Variants in CDK5RAP2 observed in about 807,000 individuals in gnomAD.
CDK5RAP2 encodes CDK5 regulatory subunit-associated protein 2.
A neutral mutation model predicts 232.9 loss-of-function variants in CDK5RAP2; 147 were observed. The observed-to-expected ratio is 0.63, with a 90% CI of 0.55 to 0.72. The LOEUF (loss-of-function observed/expected upper bound fraction) is 0.72, where lower values mean the gene tolerates loss of function less well. Ranked by LOEUF, CDK5RAP2 falls within the 30% of genes least tolerant of loss-of-function variation. The probability of loss-of-function intolerance (pLI) is 0.00; values close to 1 mark genes in which losing one functional copy is unlikely to be tolerated. For synonymous variants in CDK5RAP2, 833 were observed against 833.7 expected (o/e 1.00, Z 0.01); for missense variants, 2,195 against 2,231.5 (o/e 0.98, Z 0.33).
At chr9:120,514,538 C>T (rs552460404) in intron 12 of CDK5RAP2, among the ~76,000 whole-genome samples, 2 of 152,220 alleles carry the variant, frequency 1.3e-5, no homozygotes, top group South Asian at 2.1e-4. Context: ...GTGATCCCAG[C>T]GTGGCTGGCA....
intron 25 of CDK5RAP2, among the ~76,000 whole-genome samples, chr9:120,433,983 T>C (rs1051247441): frequency 6.6e-6 from 1 of 152,214 alleles, no homozygotes; most frequent in Non-Finnish European, 1.5e-5. Flanking sequence ...ACAAGATCCA[T>C]GCACCCTTGT....
chr9:120,389,260 G>C lies in CDK5RAP2; in HGVS notation c.5658C>G (p.Cys1886Trp). 5 of 1,612,842 alleles carry C rather than the reference G, an allele frequency of 3.1e-6. No individual in the cohort carries two copies. The highest frequency in any genetic ancestry group is 1.7e-5 in the Admixed American group (1 of 59,880). ...LRPGGAHPGT[C>W]SPSRPGS is the part of the protein sequence containing the mutation. ...CTCAGGAGCCTGGTCTGCTGGGACT[G>C]CATGTTCCTGGATGGGCTCCCCCAG... Residue 1886 changes from cysteine (C) to tryptophan (W), a missense_variant, in exon 38 of 38, where the codon TGC (cysteine) becomes TGG (tryptophan). Transcript: ENST00000349780.
At chr9:120,491,507 T>C in intron 12 of CDK5RAP2, 30 bp from the exon 13 acceptor site, 3 of 1,547,892 alleles carry the variant, frequency 1.9e-6, no homozygotes, top group African/African-American at 2.7e-5. Flanking sequence ...AAATGGAATT[T>C]ACTTGACAAA....
rs753547131 is a variant in CDK5RAP2 at position 120,536,366 on chromosome 9, C to G, written c.662+6G>C. On this transcript the variant is annotated splice_donor_region_variant and intron_variant, in intron 7 of 37. Coordinates refer to ENST00000349780, the MANE Select transcript of CDK5RAP2 (RefSeq NM_018249.6). ...TGTCAGGGTATGACAGGGACAAGAGCCAGACCTGTCTTTCTCATCCAGGAC... is the reference window on the plus strand; with the variant it reads ...TGTCAGGGTATGACAGGGACAAGAGGCAGACCTGTCTTTCTCATCCAGGAC... 1 of 1,613,838 alleles carries G rather than the reference C, an allele frequency of 6.2e-7. No individual in the cohort carries two copies.
At chr9:120,459,721 T>C (rs2036976839) in intron 19 of CDK5RAP2, among the ~76,000 whole-genome samples, 1 of 152,294 alleles carries the variant, frequency 6.6e-6, no homozygotes. Flanking sequence ...GTCACAGAGA[T>C]AGTAGTGCCA....
At chr9:120,414,585 G>A (rs1451772728) in intron 28 of CDK5RAP2, among the ~76,000 whole-genome samples, 87 of 152,170 alleles carry the variant, frequency 5.7e-4, no homozygotes, top group Non-Finnish European at 1.3e-4. Context: ...GGGTTAATGG[G>A]TAAAGAATGG....
intron 12 of CDK5RAP2, among the ~76,000 whole-genome samples, chr9:120,515,548 A>T (rs763407482): frequency 1.3e-5 from 2 of 152,254 alleles, no homozygotes; most frequent in Non-Finnish European, 2.9e-5. Context: ...CTGAATAAAG[A>T]TGAGAAACAG....
chr9:120,512,072 C>T lies in CDK5RAP2; in HGVS notation c.1311+6355G>A, dbSNP rs571227567. On this transcript the variant is annotated intron_variant, in intron 12 of 37. Transcript: ENST00000349780. ...ATTTTTATATACTCACTCTGGGCCACGGGCAGTGGCTCACACCTATAATCC... is the reference window on the plus strand; with the variant it reads ...ATTTTTATATACTCACTCTGGGCCATGGGCAGTGGCTCACACCTATAATCC... Among the ~76,000 whole-genome samples, 17 of 152,220 alleles carry T rather than the reference C, an allele frequency of 1.1e-4. No homozygotes were observed. In the East Asian group the frequency reaches 1.2e-3, roughly 10 times the overall value.
rs2033209013 is a variant in CDK5RAP2, at chr9:120,403,448, A to T, written c.5042-377T>A. The T allele has an allele frequency of 3.2e-6, 1 of 311,546 alleles. No individual in the cohort carries two copies. The highest frequency in any genetic ancestry group is 6.1e-6 in the Non-Finnish European group (1 of 164,336). 19.3% of individuals were successfully genotyped at this position (311,546 alleles called of 1,614,324 possible). ...TGATGAAGGGCCAGAGCCAGAAAAA[A>T]CAATTATCTGTGCAGGGAGGGAGAG... On this transcript the variant is annotated intron_variant, in intron 33 of 37. Transcript: ENST00000349780. The surrounding 1 kb of genome is among the most constrained non-coding windows in gnomAD (Gnocchi z 4.2).
rs201679445 is a variant in CDK5RAP2, at chr9:120,403,022, G to A, written c.5091C>T (p.Cys1697=). Residue 1697 remains cysteine, a synonymous_variant, in exon 34 of 38, where the codon TGC becomes TGT. Transcript: ENST00000349780. The surrounding 1 kb of genome is among the most constrained non-coding windows in gnomAD (Gnocchi z 4.2). The stretch of plus-strand genomic sequence containing the variant: ...TGCTAGTTGCCGAACTGCCACTGTC[G>A]CAGGAGAGGGAGTCCGTGTCATTCC... ...LSGNDTDSLS[C]DSGSSATSTP... The A allele has an allele frequency of 1.9e-5, 30 of 1,613,982 alleles. No individual in the cohort carries two copies. The highest frequency in any genetic ancestry group is 2.4e-5 in the Non-Finnish European group (28 of 1,179,966).
chr9:120,506,334 T>C (rs146891379), intron 12 of CDK5RAP2, among the ~76,000 whole-genome samples: 1 of 152,340 alleles, frequency 6.6e-6, no homozygotes, highest in Non-Finnish European at 1.5e-5. Context: ...CCTTTAAAAA[T>C]ATTACTGCTC....
intron 22 of CDK5RAP2, among the ~76,000 whole-genome samples, chr9:120,445,544 T>G (rs12337317): frequency 0.021 from 3,212 of 152,240 alleles, 99 homozygotes; most frequent in African/African-American, 0.071. Flanking sequence ...ACAGCTCCCT[T>G]CAAGTACACC....
At chr9:120,496,544 C>A (rs1588486162) in intron 12 of CDK5RAP2, among the ~76,000 whole-genome samples, 1 of 148,048 alleles carries the variant, frequency 6.8e-6, no homozygotes, top group East Asian at 2.1e-4. Flanking sequence ...CCAGCCGCCC[C>A]GTCCGGGAGG....
At chr9:120,572,352 C>T (rs1407016944) in intron 1 of CDK5RAP2, among the ~76,000 whole-genome samples, 1 of 152,200 alleles carries the variant, frequency 6.6e-6, no homozygotes, top group Non-Finnish European at 1.5e-5. Flanking sequence ...TTCTGAGTCT[C>T]ACCCTCTTAA....
chr9:120,515,559 G>A (rs964510309), intron 12 of CDK5RAP2, among the ~76,000 whole-genome samples: 6 of 152,250 alleles, frequency 3.9e-5, no homozygotes, highest in African/African-American at 1.4e-4. Flanking sequence ...TGAGAAACAG[G>A]TCTTTTAATA....
intron 22 of CDK5RAP2, among the ~76,000 whole-genome samples, chr9:120,444,281 A>T (rs997620981): frequency 1.3e-5 from 2 of 152,242 alleles, no homozygotes; most frequent in African/African-American, 4.8e-5. Flanking sequence ...TTTGAATTTT[A>T]AAAAATGGCA....
chr9:120,459,392 T>C (rs2036961246), intron 19 of CDK5RAP2, among the ~76,000 whole-genome samples: 1 of 152,190 alleles, frequency 6.6e-6, no homozygotes, highest in Non-Finnish European at 1.5e-5. Flanking sequence ...CTTGACTTCA[T>C]TACTGCTGGT....
At chr9:120,578,245 C>T (rs2043108541) in intron 1 of CDK5RAP2, among the ~76,000 whole-genome samples, 1 of 152,086 alleles carries the variant, frequency 6.6e-6, no homozygotes, top group Non-Finnish European at 1.5e-5. Flanking sequence ...CCAGCCTGGT[C>T]ACAAAGCAAG....
chr9:120,521,648 T>C (rs926870950), intron 11 of CDK5RAP2, among the ~76,000 whole-genome samples: 4 of 144,374 alleles, frequency 2.8e-5, no homozygotes, highest in South Asian at 2.2e-4. Flanking sequence ...CTTTTTCTTT[T>C]TTTTTTTTTT....
Sources: allele counts gnomAD v4.1 joint callset (sites outside exome capture counted in the v4.1 genomes callset), GRCh38; gene constraint gnomAD v4.1.1; non-coding constraint Gnocchi (gnomAD v3.1); transcripts MANE v1.5; gene names NCBI Gene and HGNC (gene_info 2026-07-23, HGNC 2026-07-21).